PKN2: variants seen among roughly 807,000 people sequenced by gnomAD.
PKN2 encodes serine/threonine-protein kinase N2.
A neutral mutation model predicts 119.1 loss-of-function variants in PKN2; 38 were observed. That is an observed-to-expected ratio of 0.32 (90% CI 0.25 to 0.42). The LOEUF (loss-of-function observed/expected upper bound fraction) is 0.42. Among genes scored for constraint, PKN2 ranks in the 10% least tolerant of loss-of-function variants. The probability of loss-of-function intolerance (pLI) is 1.00; values close to 1 mark genes in which losing one functional copy is unlikely to be tolerated. For missense variants in PKN2, 850 were observed against 1,165.1 expected (o/e 0.73, Z 3.94); for synonymous variants, 390 against 384.9 (o/e 1.01, Z -0.15).
chr1:88,710,528 T>C (rs1667186482), intron 1 of PKN2, among the ~76,000 whole-genome samples: 1 of 152,226 alleles, frequency 6.6e-6, no homozygotes, highest in African/African-American at 2.4e-5. Flanking sequence ...TTGCCATGAA[T>C]CTTGTCACAA....
At chr1:88,691,579 C>T (rs1570479874) in intron 1 of PKN2, among the ~76,000 whole-genome samples, 1 of 152,298 alleles carries the variant, frequency 6.6e-6, no homozygotes, top group South Asian at 2.1e-4. Flanking sequence ...AATAAGTACT[C>T]ATGGACCACC....
rs75202735 is a variant in PKN2 at position 88,709,835 on chromosome 1, C to G, written c.48+25207C>G. On this transcript the variant is annotated intron_variant, in intron 1 of 21. Transcript: ENST00000370521. The stretch of plus-strand genomic sequence containing the variant: ...CACTTCTCAATTACACATTCTCTTT[C>G]TCCATACACATAGCCTTGACTTTGA... Among the ~76,000 whole-genome samples, 724 of 152,280 alleles carry G rather than the reference C, an allele frequency of 4.8e-3. 2 individuals carry two copies. Among genetic ancestry groups the G allele is most frequent in the African/African-American group, 0.016 (680 of 41,548 alleles).
chr1:88,789,356 C>T (rs6671230), intron 8 of PKN2, among the ~76,000 whole-genome samples: 108,423 of 152,024 alleles, frequency 0.71, 39,683 homozygotes, highest in African/African-American at 0.88. Flanking sequence ...CAAGGTAAGG[C>T]AAGTCACAAG....
intron 2 of PKN2, among the ~76,000 whole-genome samples, chr1:88,742,297 T>C (rs990314375): frequency 6.6e-6 from 1 of 152,170 alleles, no homozygotes; most frequent in African/African-American, 2.4e-5. Context: ...TAAATTTGGC[T>C]AAGAACCTTA....
chr1:88,750,269 C>G (rs989645071), intron 2 of PKN2, among the ~76,000 whole-genome samples: 1 of 152,122 alleles, frequency 6.6e-6, no homozygotes, highest in Non-Finnish European at 1.5e-5. Flanking sequence ...AACCATATTC[C>G]TAATCTCCAA....
chr1:88,743,503 A>G (rs1668653657), intron 2 of PKN2, among the ~76,000 whole-genome samples: 1 of 152,194 alleles, frequency 6.6e-6, no homozygotes, highest in Admixed American at 6.5e-5. Flanking sequence ...CTTAAAAAAC[A>G]ATTTTTAGGT....
chr1:88,783,251 T>C (rs1014229317), intron 6 of PKN2, among the ~76,000 whole-genome samples: 2 of 152,264 alleles, frequency 1.3e-5, no homozygotes, highest in African/African-American at 4.8e-5. Context: ...GAGTTCTTTC[T>C]ATGAACAGCT....
intron 12 of PKN2, among the ~76,000 whole-genome samples, chr1:88,806,851 C>CT (rs1671562302): frequency 6.6e-6 from 1 of 152,052 alleles, no homozygotes; most frequent in South Asian, 2.1e-4. Context: ...TCCCTAGTAG[C>CT]TGGGATTACA....
intron 16 of PKN2, among the ~76,000 whole-genome samples, chr1:88,818,170 C>T (rs564445431): frequency 2.0e-5 from 3 of 152,272 alleles, no homozygotes; most frequent in Admixed American, 6.5e-5. Flanking sequence ...TGAAGGACCT[C>T]TTCAAGGAGA....
intron 8 of PKN2, among the ~76,000 whole-genome samples, chr1:88,793,992 C>G (rs993996321): frequency 2.0e-5 from 3 of 152,176 alleles, no homozygotes; most frequent in Admixed American, 6.5e-5. Flanking sequence ...ACTATTTAAA[C>G]TTCTTTGAAC....
chr1:88,795,539 C>G (rs1405214079), intron 8 of PKN2, among the ~76,000 whole-genome samples: 2 of 152,138 alleles, frequency 1.3e-5, no homozygotes, highest in East Asian at 3.8e-4. Context: ...ATTATAGGTT[C>G]TGAACAAAAA....
At chr1:88,722,158 A>G (rs1397336116) in intron 1 of PKN2, among the ~76,000 whole-genome samples, 1 of 152,224 alleles carries the variant, frequency 6.6e-6, no homozygotes, top group Non-Finnish European at 1.5e-5. Flanking sequence ...TCAAGCACAT[A>G]AGATTATAAG....
intron 1 of PKN2, among the ~76,000 whole-genome samples, chr1:88,696,043 C>T (rs1010544323): frequency 1.3e-5 from 2 of 152,148 alleles, no homozygotes; most frequent in African/African-American, 2.4e-5. Context: ...TGATACTGCT[C>T]CAGCTTCCTG....
At chr1:88,802,495 T>C (rs1383628866) in intron 8 of PKN2, among the ~76,000 whole-genome samples, 1 of 152,114 alleles carries the variant, frequency 6.6e-6, no homozygotes, top group African/African-American at 2.4e-5. Flanking sequence ...CGGCTAACTT[T>C]TGTATTTTTA....
At chr1:88,752,272 T>TTTAATGCTAGAGCTTCTATTTTG (rs1669033040) in intron 2 of PKN2, among the ~76,000 whole-genome samples, 1 of 152,180 alleles carries the variant, frequency 6.6e-6, no homozygotes, top group Admixed American at 6.5e-5. Context: ...ATTACATTTT[T>TTTAATGCTAGAGCTTCTATTTTG]TTAATGCTAG....
intron 1 of PKN2, among the ~76,000 whole-genome samples, chr1:88,716,464 A>T (rs968068981): frequency 3.9e-5 from 6 of 152,154 alleles, no homozygotes; most frequent in African/African-American, 1.4e-4. Flanking sequence ...TTGCTTTATG[A>T]ATCTGGGTGC....
At chr1:88,760,533 G>A (rs1187735790) in intron 3 of PKN2, among the ~76,000 whole-genome samples, 157 bp downstream of exon 3, 2 of 152,124 alleles carry the variant, frequency 1.3e-5, no homozygotes, top group Non-Finnish European at 2.9e-5. Flanking sequence ...ATGGAGCAGG[G>A]GAAATTTGAA....
intron 1 of PKN2, among the ~76,000 whole-genome samples, chr1:88,689,044 C>T (rs1666228397): frequency 1.3e-5 from 2 of 152,052 alleles, no homozygotes; most frequent in East Asian, 1.9e-4. Context: ...AATGAGAAGA[C>T]GGCATCTAAT....
intron 16 of PKN2, chr1:88,815,411 G>A: frequency 2.9e-6 from 1 of 349,932 alleles, no homozygotes; most frequent in Non-Finnish European, 5.4e-6. Context: ...AACCAATTCA[G>A]TTCACTCTAT....
Sources: allele counts gnomAD v4.1 joint callset (sites outside exome capture counted in the v4.1 genomes callset), GRCh38; gene constraint gnomAD v4.1.1; transcripts MANE v1.5; gene names NCBI Gene and HGNC (gene_info 2026-07-23, HGNC 2026-07-21).